Variants in SSPN observed in about 807,000 individuals in gnomAD.
The protein encoded by SSPN is sarcospan.
SSPN carries 15 observed loss-of-function variants against 19.1 expected under a neutral mutation model. The ratio of observed to expected loss-of-function variants is 0.78; its 90% CI spans 0.52 to 1.21. The LOEUF (loss-of-function observed/expected upper bound fraction) is 1.21, where lower values mean the gene tolerates loss of function less well. Ranked by LOEUF, SSPN falls within the 50% of genes most tolerant of loss-of-function variation. The pLI is 0.00. For synonymous variants in SSPN, 147 were observed against 140.3 expected (o/e 1.05, Z -0.34); for missense variants, 291 against 314.0 (o/e 0.93, Z 0.55).
chr12:26,223,999 A>G (rs1323742432), intron 1 of SSPN, among the ~76,000 whole-genome samples: 1 of 152,204 alleles, frequency 6.6e-6, no homozygotes, highest in Non-Finnish European at 1.5e-5. Flanking sequence ...CGGATTGTAA[A>G]CTGATGAACA....
intron 1 of SSPN, among the ~76,000 whole-genome samples, chr12:26,168,559 A>G (rs1053281568): frequency 2.6e-5 from 4 of 152,184 alleles, no homozygotes; most frequent in Non-Finnish European, 5.9e-5. Flanking sequence ...AACTGTGGGG[A>G]TTGAAGAACT....
chr12:26,124,006 T>G lies in SSPN; in HGVS notation c.-31+1854T>G. On this transcript the variant is annotated intron_variant, in intron 1 of 2. Transcript: ENST00000538142. Reference sequence around the variant, plus strand: ...TATTTACATTTATTCTTATATTTTCTGGGAGTCGCACCAGACTATTAACAC... The same window carrying G: ...TATTTACATTTATTCTTATATTTTCGGGGAGTCGCACCAGACTATTAACAC... 2.8e-6 allele frequency: 3 copies of G among 1,086,792 alleles called. No homozygotes were observed. In the South Asian group the frequency reaches 3.8e-5, roughly 14 times the overall value. 67.3% of individuals were successfully genotyped at this position (1,086,792 alleles called of 1,614,324 possible). A position where few individuals can be genotyped will look rare whatever the true frequency, so the allele number is the denominator to read the frequency against.
upstream of SSPN, among the ~76,000 whole-genome samples, chr12:26,194,221 T>A (rs1324597345): frequency 6.6e-6 from 1 of 152,204 alleles, no homozygotes; most frequent in Non-Finnish European, 1.5e-5. Flanking sequence ...ATAAGAATAA[T>A]CAGTTTTATT....
At chr12:26,165,719 C>T (rs1402473205) in intron 1 of SSPN, among the ~76,000 whole-genome samples, 4 of 152,148 alleles carry the variant, frequency 2.6e-5, no homozygotes, top group South Asian at 2.1e-4. Flanking sequence ...GTTTTACAGT[C>T]CACAAAAGGA....
chr12:26,122,856 AC>A, intron 1 of SSPN: 2 of 1,569,422 alleles, frequency 1.3e-6, no homozygotes, highest in African/African-American at 1.4e-5. Context: ...CCGCTGGATG[AC>A]GGGCACGCAG....
At chr12:26,148,653 A>G (rs990213554) in intron 1 of SSPN, among the ~76,000 whole-genome samples, 4 of 152,190 alleles carry the variant, frequency 2.6e-5, no homozygotes, top group Non-Finnish European at 5.9e-5. Flanking sequence ...AACTATGTCT[A>G]TATCAGGTGA....
At chr12:26,228,119 G>T (rs1945195273) in intron 2 of SSPN, among the ~76,000 whole-genome samples, 1 of 152,158 alleles carries the variant, frequency 6.6e-6, no homozygotes, top group Admixed American at 6.5e-5. Flanking sequence ...TAAGGAGCTT[G>T]GTGCGGTGGC....
At chr12:26,134,649 G>A (rs1338130974) in intron 1 of SSPN, among the ~76,000 whole-genome samples, 2 of 152,240 alleles carry the variant, frequency 1.3e-5, no homozygotes, top group African/African-American at 4.8e-5. Flanking sequence ...TCATAACCAA[G>A]CCACATAACA....
rs148235857 is a variant in SSPN, at chr12:26,186,758, C to G, written c.-30-37535C>G. 2.2e-3 allele frequency among the ~76,000 whole-genome samples: 330 copies of G among 152,322 alleles called. 4 individuals are homozygous for G. The highest frequency in any genetic ancestry group is 2.8e-3 in the Non-Finnish European group (189 of 68,026). ...CTTAAAGAAAAGGAATATTTACTGG[C>G]TTGGTTATGTATTAACCATTCAACA... On this transcript the variant is annotated intron_variant, in intron 1 of 2. Coordinates refer to the SSPN transcript ENST00000538142.
At chr12:26,176,643 A>G (rs913542031) in intron 1 of SSPN, among the ~76,000 whole-genome samples, 2 of 152,224 alleles carry the variant, frequency 1.3e-5, no homozygotes, top group Non-Finnish European at 2.9e-5. Context: ...CCAATTAAAA[A>G]TATTCTTCCA....
At chr12:26,211,418 G>T (rs74075045) in intron 1 of SSPN, 1 of 152,162 alleles carries the variant, frequency 6.6e-6, no homozygotes, top group Non-Finnish European at 1.5e-5. Context: ...ACTCAGCCTT[G>T]GGTTCACTGG....
chr12:26,159,987 C>T (rs1276885759), intron 1 of SSPN, among the ~76,000 whole-genome samples: 1 of 152,160 alleles, frequency 6.6e-6, no homozygotes, highest in Non-Finnish European at 1.5e-5. Context: ...TGACATCTGC[C>T]TCTTGATGAG....
At chr12:26,131,522 T>C (rs1278199732) in intron 1 of SSPN, among the ~76,000 whole-genome samples, 2 of 152,240 alleles carry the variant, frequency 1.3e-5, no homozygotes, top group Non-Finnish European at 2.9e-5. Flanking sequence ...GATTTTGCAC[T>C]TCATTCACTT....
At chr12:26,157,644 G>A (rs779958278) in intron 1 of SSPN, among the ~76,000 whole-genome samples, 20 of 152,118 alleles carry the variant, frequency 1.3e-4, no homozygotes, top group Non-Finnish European at 2.5e-4. Flanking sequence ...TAGAAATAAT[G>A]GTCAAGGTGA....
chr12:26,128,803 C>A (rs772867349), intron 1 of SSPN, among the ~76,000 whole-genome samples: 1 of 152,060 alleles, frequency 6.6e-6, no homozygotes, highest in African/African-American at 2.4e-5. Flanking sequence ...TTTTAATAGG[C>A]GAGGGGTAGC....
At chr12:26,206,136 C>T (rs933831637) in intron 1 of SSPN, among the ~76,000 whole-genome samples, 5 of 152,160 alleles carry the variant, frequency 3.3e-5, no homozygotes, top group African/African-American at 1.2e-4. Flanking sequence ...TCTCTGTCCT[C>T]ACACACACAT....
intron 1 of SSPN, among the ~76,000 whole-genome samples, chr12:26,207,509 T>C (rs898166697): frequency 1.3e-5 from 2 of 152,192 alleles, no homozygotes; most frequent in Admixed American, 6.5e-5. Flanking sequence ...TATCCTGAAT[T>C]TGGTATTTTT....
rs754691866 is a variant in SSPN at position 26,224,276 on chromosome 12, T to C, written c.280-17T>C. On this transcript the variant is annotated splice_polypyrimidine_tract_variant and intron_variant, in intron 1 of 2. Transcript: ENST00000242729. ...CGTACCCTGATAACATCCTTTCTTC[T>C]GTGTTCTCCCTTGCAGGTCTGCTTA... 3.8e-6 allele frequency: 6 copies of C among 1,595,098 alleles called. No homozygotes were observed. Among genetic ancestry groups the C allele is most frequent in the Non-Finnish European group, 5.2e-6 (6 of 1,162,632 alleles).
chr12:26,233,335 T>G lies in SSPN; in HGVS notation c.*2259T>G, dbSNP rs949567988. The G allele has an allele frequency of 2.7e-5, 4 of 147,000 alleles. No homozygotes were observed. The highest frequency in any genetic ancestry group is 2.7e-4 in the Admixed American group (4 of 14,878). 9.1% of individuals were successfully genotyped at this position (147,000 alleles called of 1,614,324 possible). ...ATAATAGTATAACCGTCAGGAGATA[T>G]ATATATATATATATACACATACACA... On this transcript the variant is annotated 3_prime_UTR_variant, in exon 3 of 3. Transcript: ENST00000242729. The surrounding 1 kb of genome is among the most constrained non-coding windows in gnomAD (Gnocchi z 4.3).
Sources: gnomAD v4.1 joint callset for allele counts (sites outside exome capture counted in the v4.1 genomes callset) on GRCh38, gnomAD v4.1.1 for gene constraint, Gnocchi (gnomAD v3.1) non-coding constraint, MANE v1.5 for transcripts, NCBI Gene and HGNC (gene_info 2026-07-23, HGNC 2026-07-21) for gene names.